Variants in MYT1L observed in about 807,000 individuals in gnomAD.
The protein encoded by MYT1L is myelin transcription factor 1 like.
A neutral mutation model predicts 126.7 loss-of-function variants in MYT1L; 12 were observed. The ratio of observed to expected loss-of-function variants is 0.09; its 90% CI spans 0.06 to 0.15. The LOEUF (loss-of-function observed/expected upper bound fraction) is 0.15, where lower values mean the gene tolerates loss of function less well. Among genes scored for constraint, MYT1L ranks in the 10% least tolerant of loss-of-function variants. The pLI is 1.00. For synonymous variants in MYT1L, 541 were observed against 604.2 expected, an observed-to-expected ratio of 0.90 and a Z score of 1.53; for missense variants, 979 against 1,585.2, an observed-to-expected ratio of 0.62 and a Z score of 6.49.
chr2:2,139,475 A>G (rs909488509), intron 3 of MYT1L, among the ~76,000 whole-genome samples: 21 of 151,624 alleles, frequency 1.4e-4, no homozygotes, highest in African/African-American at 5.1e-4. Flanking sequence ...AAATATATGT[A>G]TATATATACA....
At chr2:2,140,011 CAT>C (rs2083708471) in intron 3 of MYT1L, among the ~76,000 whole-genome samples, 1 of 152,164 alleles carries the variant, frequency 6.6e-6, no homozygotes, top group African/African-American at 2.4e-5. Flanking sequence ...TGATATATCA[CAT>C]AAACTAAATT....
intron 8 of MYT1L, among the ~76,000 whole-genome samples, chr2:1,946,989 G>A (rs376125766): frequency 4.3e-4 from 66 of 152,258 alleles, no homozygotes; most frequent in African/African-American, 1.5e-3. Flanking sequence ...CCTTGGTGTC[G>A]CGGGTCATAA....
intron 3 of MYT1L, among the ~76,000 whole-genome samples, chr2:2,125,597 A>G (rs549407856): frequency 6.6e-6 from 1 of 152,314 alleles, no homozygotes; most frequent in South Asian, 2.1e-4. Flanking sequence ...GTATGAAGAC[A>G]TGGTCCTTGA....
intron 3 of MYT1L, among the ~76,000 whole-genome samples, chr2:2,133,046 CCTT>C (rs1342851106): frequency 3.9e-5 from 6 of 152,082 alleles, no homozygotes; most frequent in African/African-American, 1.2e-4. Context: ...ATGCTTCTCT[CCTT>C]ATGTTCCTCC....
intron 8 of MYT1L, among the ~76,000 whole-genome samples, chr2:1,975,819 G>A (rs952309604): frequency 2.6e-5 from 4 of 152,176 alleles, no homozygotes; most frequent in Admixed American, 1.3e-4. Flanking sequence ...AGCTTAGATT[G>A]TGCCACTGCA....
At chr2:2,251,698 G>A (rs762001095) in intron 2 of MYT1L, among the ~76,000 whole-genome samples, 1 of 152,054 alleles carries the variant, frequency 6.6e-6, no homozygotes, top group East Asian at 1.9e-4. Context: ...AATGACAATA[G>A]ATCTATTACA....
At chr2:2,234,617 A>C (rs981833558) in intron 2 of MYT1L, among the ~76,000 whole-genome samples, 2 of 152,216 alleles carry the variant, frequency 1.3e-5, no homozygotes, top group Non-Finnish European at 2.9e-5. Context: ...AGTGCCTCCC[A>C]GAGGGCCTAC....
intron 9 of MYT1L, among the ~76,000 whole-genome samples, chr2:1,942,379 C>T (rs371855161): frequency 3.9e-5 from 6 of 152,136 alleles, no homozygotes; most frequent in Admixed American, 2.6e-4. Context: ...CTCAGAGCAC[C>T]GGAAACCCCA....
intron 2 of MYT1L, among the ~76,000 whole-genome samples, chr2:2,175,783 C>A (rs2090675470): frequency 1.3e-5 from 2 of 152,254 alleles, no homozygotes; most frequent in African/African-American, 4.8e-5. Flanking sequence ...GAGAGGACAG[C>A]ACATCACAGC....
chr2:2,015,876 G>T (rs1574531746), intron 4 of MYT1L, among the ~76,000 whole-genome samples: 1 of 152,082 alleles, frequency 6.6e-6, no homozygotes, highest in South Asian at 2.1e-4. Flanking sequence ...GTGAGATTCC[G>T]GCAAGCATTC....
rs967060978 is a variant in MYT1L at position 1,912,595 on chromosome 2, G to A, written c.1619-485C>T. ...TTTGGAAACACACAGCATTATGAAC[G>A]TGTGGTGGGTAGATGAATACAGAAC... On this transcript the variant is annotated intron_variant, in intron 11 of 24. Transcript: ENST00000647738. The surrounding 1 kb of genome is among the most constrained non-coding windows in gnomAD (Gnocchi z 4.3). Among the ~76,000 whole-genome samples, 1 of 152,198 alleles carries A rather than the reference G, an allele frequency of 6.6e-6. No individual in the cohort carries two copies. The highest frequency in any genetic ancestry group is 2.1e-4 in the South Asian group (1 of 4,832).
chr2:2,196,278 G>T (rs1431999617), intron 2 of MYT1L, among the ~76,000 whole-genome samples: 1 of 151,846 alleles, frequency 6.6e-6, no homozygotes, highest in Non-Finnish European at 1.5e-5. Context: ...AAAAATGAAG[G>T]TAAAGGATTT....
intron 4 of MYT1L, among the ~76,000 whole-genome samples, chr2:2,007,877 C>T (rs890233935): frequency 1.3e-5 from 2 of 152,256 alleles, no homozygotes; most frequent in South Asian, 4.2e-4. Context: ...AGGCCTTCCC[C>T]CAAACCCAAC....
At chr2:2,142,407 T>C (rs2084128908) in intron 3 of MYT1L, among the ~76,000 whole-genome samples, 1 of 152,186 alleles carries the variant, frequency 6.6e-6, no homozygotes, top group African/African-American at 2.4e-5. Flanking sequence ...ACAGATATTT[T>C]AATAGAACTT....
chr2:1,849,676 A>G (rs958652289), intron 19 of MYT1L, among the ~76,000 whole-genome samples: 1 of 152,250 alleles, frequency 6.6e-6, no homozygotes, highest in African/African-American at 2.4e-5. Flanking sequence ...AGCACTGCAG[A>G]GGCTGAGGAA....
At chr2:2,198,548 T>A (rs2092923007) in intron 2 of MYT1L, among the ~76,000 whole-genome samples, 1 of 152,090 alleles carries the variant, frequency 6.6e-6, no homozygotes, top group African/African-American at 2.4e-5. Flanking sequence ...CATGTACAAT[T>A]ACCACGTGTC....
intron 1 of MYT1L, among the ~76,000 whole-genome samples, chr2:2,330,005 T>A (rs72769271): frequency 0.2 from 30,567 of 151,748 alleles, 3,457 homozygotes; most frequent in South Asian, 0.31. Flanking sequence ...TTTATAAAAC[T>A]CTTTTCTTTT....
intron 8 of MYT1L, among the ~76,000 whole-genome samples, chr2:1,965,280 CTG>C (rs1282753168): frequency 4.0e-5 from 6 of 149,174 alleles, no homozygotes; most frequent in Non-Finnish European, 8.9e-5. Context: ...GACCCAGACT[CTG>C]TGACTTGCAA....
At chr2:1,967,294 T>C (rs2059440649) in intron 8 of MYT1L, among the ~76,000 whole-genome samples, 1 of 152,220 alleles carries the variant, frequency 6.6e-6, no homozygotes, top group African/African-American at 2.4e-5. Context: ...AGCCCCATGG[T>C]TGGTGCCCTC....
Sources: gnomAD v4.1 joint callset for allele counts (sites outside exome capture counted in the v4.1 genomes callset) on GRCh38, gnomAD v4.1.1 for gene constraint, Gnocchi (gnomAD v3.1) non-coding constraint, MANE v1.5 for transcripts, NCBI Gene and HGNC (gene_info 2026-07-23, HGNC 2026-07-21) for gene names.